GPD2: variants seen among roughly 807,000 people sequenced by gnomAD.
The protein encoded by GPD2 is glycerol-3-phosphate dehydrogenase, mitochondrial.
In GPD2, 54 loss-of-function variants were observed where a neutral mutation model predicts 82.4. That is an observed-to-expected ratio of 0.66 (90% CI 0.53 to 0.82). GPD2 has a LOEUF of 0.82. Among genes scored for constraint, GPD2 ranks in the 40% least tolerant of loss-of-function variants. The pLI, the probability that GPD2 is intolerant of heterozygous loss-of-function variation, is 0.00. For synonymous variants in GPD2, 288 were observed against 306.1 expected (o/e 0.94, Z 0.62); for missense variants, 748 against 896.2 (o/e 0.83, Z 2.11).
At chr2:156,482,812 G>GA (rs1447870034) in intron 2 of GPD2, among the ~76,000 whole-genome samples, 1 of 151,638 alleles carries the variant, frequency 6.6e-6, no homozygotes, top group African/African-American at 2.4e-5. Context: ...AAGGGAATAT[G>GA]AAAAAAAACC....
intron 2 of GPD2, among the ~76,000 whole-genome samples, chr2:156,490,074 A>G (rs1413402991): frequency 6.6e-6 from 1 of 152,104 alleles, no homozygotes; most frequent in East Asian, 1.9e-4. Flanking sequence ...TTCCTGTGTA[A>G]TCAAACTGCC....
intron 6 of GPD2, among the ~76,000 whole-genome samples, chr2:156,532,209 G>T (rs560645954): frequency 7.2e-5 from 11 of 152,222 alleles, no homozygotes; most frequent in African/African-American, 2.6e-4. Flanking sequence ...GCCTTGCTTT[G>T]TTGCCCAGGC....
chr2:156,568,021 A>C (rs1687453664), intron 9 of GPD2, among the ~76,000 whole-genome samples: 1 of 152,170 alleles, frequency 6.6e-6, no homozygotes, highest in African/African-American at 2.4e-5. Context: ...AGTGCTAAAA[A>C]TAATGGAATG....
chr2:156,514,426 A>G (rs1465290943), intron 6 of GPD2, among the ~76,000 whole-genome samples: 1 of 149,224 alleles, frequency 6.7e-6, no homozygotes, highest in Admixed American at 6.7e-5. Flanking sequence ...CCCCCGTTGT[A>G]TTATCTTTTC....
In GPD2 at chr2:156,485,776, C is replaced by G. The variant is rs190397341; in HGVS notation, c.102+9569C>G. Among the ~76,000 whole-genome samples the G allele has an allele frequency of 6.0e-4, 92 of 152,306 alleles. 1 individual carries two copies. The Middle Eastern group carries it at 0.014, about 23-fold the overall frequency. On this transcript the variant is annotated intron_variant, in intron 2 of 16. Coordinates refer to ENST00000438166, the MANE Select transcript of GPD2 (RefSeq NM_000408.5). ...CTCACCCTACTGGATCATTTCTACT[C>G]CACTGTATGGGAGTGTTCTCTGGAA...
At chr2:156,553,001 G>A (rs778587342) in intron 8 of GPD2, among the ~76,000 whole-genome samples, 2 of 148,536 alleles carry the variant, frequency 1.3e-5, no homozygotes, top group Non-Finnish European at 3.0e-5. Context: ...CTGAGTTCAA[G>A]TGATTCTCCT....
At chr2:156,469,051 C>T (rs953077288) in intron 1 of GPD2, among the ~76,000 whole-genome samples, 6 of 152,216 alleles carry the variant, frequency 3.9e-5, no homozygotes, top group Non-Finnish European at 8.8e-5. Context: ...TTATTTTTAG[C>T]TCCCACAAAT....
At chr2:156,566,676 T>A (rs1391623904) in intron 9 of GPD2, among the ~76,000 whole-genome samples, 1 of 152,110 alleles carries the variant, frequency 6.6e-6, no homozygotes, top group Non-Finnish European at 1.5e-5. Context: ...ATGAACAAGG[T>A]TGTAAAACTT....
In GPD2 at chr2:156,549,747, C is replaced by T. The variant is rs752108661; in HGVS notation, c.801C>T (p.Gly267=). Residue 267 remains glycine, a synonymous_variant, in exon 7 of 17, where the codon GGC becomes GGT. Coordinates refer to ENST00000438166, the MANE Select transcript of GPD2 (RefSeq NM_000408.5). ...DPQTGKVRVS[G]ARCKDVLTGQ... ...AGACAGGGAAAGTGCGTGTGAGCGG[C>T]GCACGGTGCAAGGATGTCCTCACAG... The T allele has an allele frequency of 3.1e-6, 5 of 1,613,668 alleles. No homozygotes were observed. The highest frequency in any genetic ancestry group is 2.2e-5 in the East Asian group (1 of 44,856).
At chr2:156,573,042 G>T (rs773704454) in intron 13 of GPD2, among the ~76,000 whole-genome samples, 2 of 152,112 alleles carry the variant, frequency 1.3e-5, no homozygotes, top group Non-Finnish European at 2.9e-5. Flanking sequence ...TGCTGACAGT[G>T]CAAGGAAAGA....
chr2:156,435,308 G>A (rs1334878519), upstream of GPD2: 4 of 152,174 alleles, frequency 2.6e-5, no homozygotes, highest in Non-Finnish European at 5.9e-5. Flanking sequence ...AGCACCCAGA[G>A]GTCTTCGGAG....
chr2:156,578,763 TAAA>T (rs1211152382), intron 13 of GPD2, 123 bp from the exon 14 acceptor site: 3 of 671,540 alleles, frequency 4.5e-6, no homozygotes, highest in Non-Finnish European at 8.0e-6. Context: ...CTGGAAGAAA[TAAA>T]AAAATTGTGC....
chr2:156,508,170 C>A (rs1163814964), intron 3 of GPD2, among the ~76,000 whole-genome samples: 2 of 151,926 alleles, frequency 1.3e-5, no homozygotes, highest in Non-Finnish European at 2.9e-5. Context: ...GCTCTGCATC[C>A]CTCATAGTGG....
intron 2 of GPD2, among the ~76,000 whole-genome samples, chr2:156,484,866 C>T (rs936863621): frequency 6.6e-6 from 1 of 152,064 alleles, no homozygotes; most frequent in Non-Finnish European, 1.5e-5. Flanking sequence ...CAAACAAAAA[C>T]AAAACCCAAT....
At chr2:156,412,850 A>T in the GPD2 span, among the ~76,000 whole-genome samples, 1 of 152,160 alleles carries the variant, frequency 6.6e-6, no homozygotes, top group Non-Finnish European at 1.5e-5. Flanking sequence ...TAATCTCAGC[A>T]CTCTGAGAGG....
intron 13 of GPD2, among the ~76,000 whole-genome samples, chr2:156,571,835 A>C (rs906215850): frequency 6.6e-6 from 1 of 152,084 alleles, no homozygotes; most frequent in Non-Finnish European, 1.5e-5. Context: ...TATGTTTTTT[A>C]ATTAACCCAA....
At chr2:156,517,661 A>T (rs1048722665) in intron 6 of GPD2, among the ~76,000 whole-genome samples, 21 of 152,282 alleles carry the variant, frequency 1.4e-4, no homozygotes, top group Non-Finnish European at 1.5e-5. Context: ...AAGTCAGAAG[A>T]AAGTGTTTAG....
the GPD2 span, among the ~76,000 whole-genome samples, chr2:156,402,142 T>C: frequency 6.6e-6 from 1 of 152,236 alleles, no homozygotes. Flanking sequence ...CACACAATAT[T>C]ATGTTCAGTG....
At chr2:156,450,327 T>G (rs1364904447) in intron 1 of GPD2, among the ~76,000 whole-genome samples, 1 of 152,080 alleles carries the variant, frequency 6.6e-6, no homozygotes, top group African/African-American at 2.4e-5. Context: ...GATACAGACT[T>G]AGGAATTATT....
Sources: allele counts gnomAD v4.1 joint callset (sites outside exome capture counted in the v4.1 genomes callset), GRCh38; gene constraint gnomAD v4.1.1; transcripts MANE v1.5; gene names NCBI Gene and HGNC (gene_info 2026-07-23, HGNC 2026-07-21).